Variants in CSMD1 observed in about 807,000 individuals in gnomAD.
CSMD1 encodes the protein CUB and Sushi multiple domains 1, also known as CUB and sushi domain-containing protein 1.
Under a neutral mutation model 417.5 loss-of-function variants are expected in CSMD1, and 213 were observed. That is an observed-to-expected ratio of 0.51 (90% CI 0.46 to 0.57). CSMD1 has a LOEUF of 0.57. Among genes scored for constraint, CSMD1 ranks in the 20% least tolerant of loss-of-function variants. The probability of loss-of-function intolerance (pLI) is 0.00; values close to 1 mark genes in which losing one functional copy is unlikely to be tolerated. For synonymous variants in CSMD1, 2,862 were observed against 1,736.8 expected (o/e 1.65, Z -16.11); for missense variants, 6,923 against 4,529.7 (o/e 1.53, Z -15.17).
chr8:4,658,348 G>A (rs1302824348), intron 1 of CSMD1, among the ~76,000 whole-genome samples: 2 of 152,010 alleles, frequency 1.3e-5, no homozygotes, highest in Admixed American at 6.6e-5. Flanking sequence ...TTTAAAGATG[G>A]CAAGACAGAA....
At chr8:4,308,422 A>C (rs559445431) in intron 3 of CSMD1, among the ~76,000 whole-genome samples, 1 of 115,616 alleles carries the variant, frequency 8.6e-6, no homozygotes, top group Admixed American at 7.6e-5. Flanking sequence ...TGTTATGTGG[A>C]AAGTCTGATG....
At chr8:3,909,959 T>C (rs1808354024) in intron 5 of CSMD1, among the ~76,000 whole-genome samples, 2 of 152,158 alleles carry the variant, frequency 1.3e-5, no homozygotes, top group Non-Finnish European at 2.9e-5. Flanking sequence ...TTTTGACTGA[T>C]ATGCAGACAA....
At chr8:4,310,074 A>C (rs1253359350) in intron 3 of CSMD1, among the ~76,000 whole-genome samples, 1 of 152,172 alleles carries the variant, frequency 6.6e-6, no homozygotes, top group African/African-American at 2.4e-5. Flanking sequence ...CAGGAATGCT[A>C]AGGTCTGCAA....
At position 4,980,748 on chromosome 8, in the gene CSMD1, A is replaced by G. The variant is rs1389452321; in HGVS notation, c.85+13584T>C. On this transcript the variant is annotated intron_variant, in intron 1 of 69. Coordinates refer to ENST00000635120, the MANE Select transcript of CSMD1 (RefSeq NM_033225.6). ...CAAGACCCTGTCTCTGCAAAAAGCT[A>G]CACCAAGTGAGCTGAGTGTGGTGGC... Among the ~76,000 whole-genome samples, 3 of 152,028 alleles carry G rather than the reference A, an allele frequency of 2.0e-5. No homozygotes were observed. In the East Asian group the frequency reaches 5.8e-4, roughly 30 times the overall value.
In CSMD1 at chr8:2,955,580, A is replaced by G. The variant is rs375044335; in HGVS notation, c.9994+9T>C. On this transcript the variant is annotated intron_variant, in intron 64 of 69. Coordinates refer to ENST00000635120, the MANE Select transcript of CSMD1 (RefSeq NM_033225.6). ...GGAAAAGTATGCCACTCCTTGATCA[A>G]TGACTTACTTTTACACACAGGCGAC... The G allele has an allele frequency of 3.1e-5, 50 of 1,612,848 alleles. No homozygotes were observed. In the African/African-American group the frequency reaches 6.3e-4, roughly 20 times the overall value.
intron 4 of CSMD1, among the ~76,000 whole-genome samples, chr8:4,023,887 G>C (rs957380308): frequency 7.5e-5 from 11 of 147,082 alleles, no homozygotes; most frequent in African/African-American, 2.5e-4. Context: ...AAAGTGCTGG[G>C]ATTACAGGCG....
intron 3 of CSMD1, among the ~76,000 whole-genome samples, chr8:4,146,762 G>T (rs1005490057): frequency 2.7e-5 from 4 of 149,132 alleles, no homozygotes; most frequent in African/African-American, 1.0e-4. Context: ...CAGGCGCCCG[G>T]CACCAGACTC....
chr8:4,086,784 T>C (rs1016910013), intron 3 of CSMD1, among the ~76,000 whole-genome samples: 2 of 152,234 alleles, frequency 1.3e-5, no homozygotes, highest in African/African-American at 4.8e-5. Context: ...ACTGAGTGAA[T>C]GAACTTGTGA....
rs1812804293 is a variant in CSMD1 at position 3,411,998 on chromosome 8, A to ATACACGTATATATACGTG, written c.1562-2394_1562-2393insCACGTATATATACGTGTA. On this transcript the variant is annotated intron_variant, in intron 12 of 69. Transcript: ENST00000635120. ...TATATACACGTATATATACGTGTAT[A>ATACACGTATATATACGTG]TACACGTATATATATACATATACAC... Among the ~76,000 whole-genome samples the ATACACGTATATATACGTG allele has an allele frequency of 5.7e-5, 2 of 35,370 alleles. 1 individual carries two copies. The highest frequency in any genetic ancestry group is 2.0e-4 in the African/African-American group (2 of 10,246). 23.2% of individuals were successfully genotyped at this position (35,370 alleles called of 152,430 possible).
At chr8:4,969,154 C>T (rs920209175) in intron 1 of CSMD1, among the ~76,000 whole-genome samples, 3 of 152,048 alleles carry the variant, frequency 2.0e-5, no homozygotes, top group Non-Finnish European at 4.4e-5. Context: ...CTTTATTATA[C>T]CATTATCATG....
intron 2 of CSMD1, among the ~76,000 whole-genome samples, chr8:4,469,543 A>C (rs991853236): frequency 1.3e-5 from 2 of 152,166 alleles, no homozygotes; most frequent in African/African-American, 4.8e-5. Context: ...CCTCTTCTCA[A>C]TTAACGGCAA....
At chr8:4,115,131 G>C (rs568023715) in intron 3 of CSMD1, among the ~76,000 whole-genome samples, 1 of 152,252 alleles carries the variant, frequency 6.6e-6, no homozygotes, top group East Asian at 1.9e-4. Context: ...AAAGTCCATA[G>C]ATGAGGCAAA....
intron 6 of CSMD1, among the ~76,000 whole-genome samples, chr8:3,746,207 C>G (rs973054304): frequency 2.0e-5 from 3 of 152,204 alleles, no homozygotes. Context: ...GACTGATATG[C>G]TGAAAGCCAG....
At chr8:4,420,160 T>C in intron 2 of CSMD1, 95 bp from the exon 3 acceptor site, 3 of 749,078 alleles carry the variant, frequency 4.0e-6, no homozygotes, top group South Asian at 1.6e-5. Flanking sequence ...TGAACAGTGG[T>C]ATATTCACTT....
intron 10 of CSMD1, among the ~76,000 whole-genome samples, chr8:3,544,414 AC>A (rs1364218543): frequency 6.6e-6 from 1 of 152,140 alleles, no homozygotes; most frequent in Admixed American, 6.5e-5. Context: ...CAAGCATTTT[AC>A]CTGGGATGGA....
chr8:4,527,419 G>C (rs1585205157), intron 2 of CSMD1, among the ~76,000 whole-genome samples: 1 of 152,012 alleles, frequency 6.6e-6, no homozygotes, highest in East Asian at 1.9e-4. Flanking sequence ...ACTTATTTTA[G>C]GCCATGCAAT....
chr8:3,902,899 C>G (rs1268759674), intron 5 of CSMD1, among the ~76,000 whole-genome samples: 1 of 152,150 alleles, frequency 6.6e-6, no homozygotes, highest in African/African-American at 2.4e-5. Context: ...CATTGATCAT[C>G]CTGATCTTAA....
At chr8:4,497,560 A>G (rs1802040103) in intron 2 of CSMD1, among the ~76,000 whole-genome samples, 1 of 152,158 alleles carries the variant, frequency 6.6e-6, no homozygotes, top group Admixed American at 6.5e-5. Context: ...CAGGGAGGAA[A>G]GACGGATGAG....
intron 2 of CSMD1, among the ~76,000 whole-genome samples, chr8:4,446,733 CTG>C (rs758084825): frequency 0.03 from 4,052 of 133,926 alleles, 83 homozygotes; most frequent in East Asian, 0.059. Context: ...GTGTGTGTGT[CTG>C]TGTGTGTGTG....
Sources: gnomAD v4.1 joint callset for allele counts (sites outside exome capture counted in the v4.1 genomes callset) on GRCh38, gnomAD v4.1.1 for gene constraint, MANE v1.5 for transcripts, NCBI Gene and HGNC (gene_info 2026-07-23, HGNC 2026-07-21) for gene names.